CDH13: variants seen among roughly 807,000 people sequenced by gnomAD.
CDH13 encodes cadherin-13.
In CDH13, 24 loss-of-function variants were observed where a neutral mutation model predicts 63.8. The observed-to-expected ratio is 0.38, with a 90% CI of 0.27 to 0.53. The LOEUF (loss-of-function observed/expected upper bound fraction) is 0.53, where lower values mean the gene tolerates loss of function less well. Among genes scored for constraint, CDH13 ranks in the 20% least tolerant of loss-of-function variants. The probability of loss-of-function intolerance (pLI) is 0.85; values close to 1 mark genes in which losing one functional copy is unlikely to be tolerated. For missense variants in CDH13, 1,049 were observed against 903.1 expected (o/e 1.16, Z -2.07); for synonymous variants, 503 against 355.3 (o/e 1.42, Z -4.67).
chr16:82,848,986 G>C (rs1024228450), intron 1 of CDH13, among the ~76,000 whole-genome samples: 1 of 152,176 alleles, frequency 6.6e-6, no homozygotes, highest in Non-Finnish European at 1.5e-5. Context: ...TGATAAGAAA[G>C]TAAGACAGCC....
chr16:83,246,968 C>T (rs775493422), intron 5 of CDH13, among the ~76,000 whole-genome samples: 8 of 152,194 alleles, frequency 5.3e-5, no homozygotes, highest in Non-Finnish European at 1.2e-4. Flanking sequence ...TACTGAGGAA[C>T]TGGGATGACT....
chr16:82,944,098 C>G (rs1316623481), intron 2 of CDH13, among the ~76,000 whole-genome samples: 1 of 152,176 alleles, frequency 6.6e-6, no homozygotes, highest in Non-Finnish European at 1.5e-5. Context: ...CATTACTCAG[C>G]CATTATGTAA....
chr16:83,034,617 G>A (rs1271343143), intron 3 of CDH13, among the ~76,000 whole-genome samples: 1 of 152,152 alleles, frequency 6.6e-6, no homozygotes, highest in East Asian at 1.9e-4. Flanking sequence ...ATGGTGAGGG[G>A]GTTTGCCCAT....
intron 5 of CDH13, among the ~76,000 whole-genome samples, chr16:83,293,792 G>T (rs78905688): frequency 1.3e-5 from 2 of 152,274 alleles, no homozygotes; most frequent in African/African-American, 4.8e-5. Context: ...TCTTAACAAA[G>T]TGTTTCTCAG....
chr16:82,819,517 A>G (rs1412198070), intron 1 of CDH13, among the ~76,000 whole-genome samples: 2 of 152,140 alleles, frequency 1.3e-5, no homozygotes, highest in Non-Finnish European at 2.9e-5. Context: ...ACTGGGAAGG[A>G]GACTTCCCTA....
At chr16:83,603,923 GGA>G (rs1286402259) in intron 8 of CDH13, among the ~76,000 whole-genome samples, 2 of 152,048 alleles carry the variant, frequency 1.3e-5, no homozygotes, top group Non-Finnish European at 2.9e-5. Flanking sequence ...TGGAAGAGTA[GGA>G]GAGAGAGAGC....
chr16:82,728,467 C>G (rs1236843021), intron 1 of CDH13, among the ~76,000 whole-genome samples: 3 of 152,028 alleles, frequency 2.0e-5, no homozygotes, highest in Admixed American at 2.0e-4. Flanking sequence ...TTTCCCAGTG[C>G]ATATAAATAA....
intron 1 of CDH13, among the ~76,000 whole-genome samples, chr16:82,628,346 G>T (rs368226089): frequency 1.3e-5 from 2 of 152,170 alleles, no homozygotes; most frequent in East Asian, 3.9e-4. Flanking sequence ...CCTGGCCGGG[G>T]TAGAGGCTCA....
At chr16:83,646,316 A>G (rs1401817016) in intron 8 of CDH13, among the ~76,000 whole-genome samples, 3 of 152,188 alleles carry the variant, frequency 2.0e-5, no homozygotes, top group Non-Finnish European at 4.4e-5. Flanking sequence ...CATGACATGA[A>G]GGATGTATGT....
chr16:83,667,571 C>T (rs189611305), intron 8 of CDH13, among the ~76,000 whole-genome samples: 2 of 152,042 alleles, frequency 1.3e-5, no homozygotes, highest in Admixed American at 6.6e-5. Flanking sequence ...CATTAGGCAC[C>T]ATTATCACAG....
intron 1 of CDH13, among the ~76,000 whole-genome samples, chr16:82,720,650 A>G (rs1008723907): frequency 1.3e-4 from 20 of 151,906 alleles, no homozygotes; most frequent in African/African-American, 4.8e-4. Flanking sequence ...AACTCCACAC[A>G]CAGGGTGGTC....
intron 10 of CDH13, among the ~76,000 whole-genome samples, chr16:83,686,828 G>A (rs1457513200): frequency 6.6e-6 from 1 of 152,174 alleles, no homozygotes; most frequent in Non-Finnish European, 1.5e-5. Flanking sequence ...AAGGACTGGT[G>A]CATGACCAGT....
At chr16:83,521,715 C>G (rs4074374) in intron 7 of CDH13, among the ~76,000 whole-genome samples, 70 of 152,340 alleles carry the variant, frequency 4.6e-4, no homozygotes, top group Middle Eastern at 6.8e-3. Context: ...ATTCTTCCAC[C>G]TATGGGTTTT....
intron 2 of CDH13, among the ~76,000 whole-genome samples, chr16:82,860,735 G>C (rs1567609073): frequency 6.6e-6 from 1 of 152,100 alleles, no homozygotes; most frequent in Non-Finnish European, 1.5e-5. Context: ...CTGCAGATAA[G>C]GTTAATGGTG....
chr16:83,031,417 C>A (rs979906662), intron 2 of CDH13, among the ~76,000 whole-genome samples: 1 of 147,126 alleles, frequency 6.8e-6, no homozygotes, highest in Non-Finnish European at 1.5e-5. Flanking sequence ...TATGTATACA[C>A]GTATATGGTA....
chr16:83,780,218 C>T lies in CDH13; in HGVS notation c.1915+17C>T, dbSNP rs761693246. 7 of 1,478,888 alleles carry T rather than the reference C, an allele frequency of 4.7e-6. No homozygotes were observed. The highest frequency in any genetic ancestry group is 1.4e-5 in the African/African-American group (1 of 72,322). 91.6% of individuals were successfully genotyped at this position (1,478,888 alleles called of 1,614,324 possible). A position where few individuals can be genotyped will look rare whatever the true frequency, so the allele number is the denominator to read the frequency against. ...AGATCAACAGTAAGTCTGGCTAAAG[C>T]ATTTCTGCCTATTCTTCCAGCTTTC... On this transcript the variant is annotated intron_variant, in intron 12 of 13. Coordinates refer to ENST00000567109, the MANE Select transcript of CDH13 (RefSeq NM_001257.5).
At chr16:83,325,526 C>T (rs77980290) in intron 5 of CDH13, among the ~76,000 whole-genome samples, 10,675 of 152,248 alleles carry the variant, frequency 0.07, 534 homozygotes, top group Non-Finnish European at 0.11. Flanking sequence ...CTCAGTTCTG[C>T]TTTTCTAGCA....
chr16:82,741,992 C>T (rs2033952341), intron 1 of CDH13, among the ~76,000 whole-genome samples: 1 of 152,082 alleles, frequency 6.6e-6, no homozygotes, highest in Non-Finnish European at 1.5e-5. Context: ...CTGATTATAG[C>T]ATCATTTATA....
intron 7 of CDH13, among the ~76,000 whole-genome samples, chr16:83,588,464 T>A (rs1359442436): frequency 6.6e-6 from 1 of 152,144 alleles, no homozygotes; most frequent in Non-Finnish European, 1.5e-5. Context: ...TAGAATAAGT[T>A]CAACTTGTTT....
Sources: allele counts gnomAD v4.1 joint callset (sites outside exome capture counted in the v4.1 genomes callset), GRCh38; gene constraint gnomAD v4.1.1; transcripts MANE v1.5; gene names NCBI Gene and HGNC (gene_info 2026-07-23, HGNC 2026-07-21).